ATL3: variants seen among roughly 807,000 people sequenced by gnomAD.
The protein encoded by ATL3 is atlastin-3.
In ATL3, 49 loss-of-function variants were observed where a neutral mutation model predicts 69.5. That is an observed-to-expected ratio of 0.71 (90% CI 0.56 to 0.89). ATL3 has a LOEUF of 0.89. Ranked by LOEUF, ATL3 falls within the 40% of genes least tolerant of loss-of-function variation. ATL3 has a pLI of 0.00. For missense variants in ATL3, 606 were observed against 645.7 expected (o/e 0.94, Z 0.67); for synonymous variants, 214 against 224.1 (o/e 0.95, Z 0.40).
chr11:63,640,340 T>C (rs1405399586), intron 8 of ATL3, among the ~76,000 whole-genome samples: 1 of 151,986 alleles, frequency 6.6e-6, no homozygotes, highest in East Asian at 1.9e-4. Flanking sequence ...CAGGCTAGAG[T>C]GCGGTGGTGC....
chr11:63,652,348 G>A, intron 4 of ATL3, 123 bp downstream of exon 4: 1 of 661,440 alleles, frequency 1.5e-6, no homozygotes, highest in South Asian at 4.0e-5. Flanking sequence ...TGCATCTACA[G>A]TTTAAAAATA....
At chr11:63,657,208 CAAAAAA>C (rs1254213240) in intron 3 of ATL3, among the ~76,000 whole-genome samples, 1 of 59,910 alleles carries the variant, frequency 1.7e-5, no homozygotes, top group African/African-American at 6.4e-5. Context: ...GACTACATCT[CAAAAAA>C]AAAAAAAAAA....
In ATL3 at chr11:63,631,160, G is replaced by A. The variant is rs764656343; in HGVS notation, c.1419C>T (p.Phe473=). 1.2e-6 allele frequency: 2 copies of A among 1,614,064 alleles called. No homozygotes were observed. Among genetic ancestry groups the A allele is most frequent in the Admixed American group, 1.7e-5 (1 of 59,990 alleles). Residue 473 remains phenylalanine, a synonymous_variant, in exon 12 of 13, where the codon TTC becomes TTT. Transcript: ENST00000398868. Reference sequence around the variant, plus strand: ...TTAACAGTAGTCCAACCATACAGTTGAACAACTGGGCTACAACCTCAAGAC... The same window carrying A: ...TTAACAGTAGTCCAACCATACAGTTAAACAACTGGGCTACAACCTCAAGAC... ...FIGLEVVAQL[F]NCMVGLLLIA...
At chr11:63,667,017 T>C (rs1357457975) in intron 1 of ATL3, among the ~76,000 whole-genome samples, 1 of 152,212 alleles carries the variant, frequency 6.6e-6, no homozygotes, top group Non-Finnish European at 1.5e-5. Flanking sequence ...AGTCTTAAGA[T>C]TGCAACGCAG....
At chr11:63,660,738 C>CA (rs1201451014) in intron 1 of ATL3, among the ~76,000 whole-genome samples, 3 of 151,898 alleles carry the variant, frequency 2.0e-5, no homozygotes, top group African/African-American at 7.3e-5. Context: ...GACTCTATCT[C>CA]AAAAACAGAA....
chr11:63,671,761 C>T (rs769932551), upstream of ATL3: 88 of 1,195,378 alleles, frequency 7.4e-5, no homozygotes, highest in Non-Finnish European at 9.3e-5. Flanking sequence ...TCTCCGACGA[C>T]TGAACTACAA....
intron 8 of ATL3, among the ~76,000 whole-genome samples, chr11:63,638,894 G>A (rs1434293948): frequency 1.3e-5 from 2 of 152,110 alleles, no homozygotes; most frequent in Non-Finnish European, 2.9e-5. Flanking sequence ...TAAAGTATCT[G>A]GGGGAACATT....
At chr11:63,645,807 G>A (rs547957667) in intron 6 of ATL3, among the ~76,000 whole-genome samples, 11 of 150,104 alleles carry the variant, frequency 7.3e-5, no homozygotes, top group East Asian at 1.9e-4. Context: ...TTGCTCTGTC[G>A]CCCAGGCTGG....
intron 1 of ATL3, among the ~76,000 whole-genome samples, chr11:63,664,716 G>A (rs142818796): frequency 2.7e-5 from 4 of 149,596 alleles, no homozygotes; most frequent in Non-Finnish European, 5.9e-5. Context: ...TCCGCCTCCC[G>A]GGTTCAAGCG....
chr11:63,644,686 C>T (rs1384476699), intron 6 of ATL3, among the ~76,000 whole-genome samples: 2 of 152,092 alleles, frequency 1.3e-5, no homozygotes, highest in South Asian at 2.1e-4. Context: ...CCACCACACC[C>T]GGCCAGATTT....
At position 63,643,509 on chromosome 11, in the gene ATL3, C is replaced by T; in HGVS notation, c.712-14G>A. 6.3e-7 allele frequency: 1 copy of T among 1,599,234 alleles called. No homozygotes were observed. The highest frequency in any genetic ancestry group is 8.5e-7 in the Non-Finnish European group (1 of 1,172,596). The stretch of plus-strand genomic sequence containing the variant: ...ATGTTCCTTCACCTGCCAATGAAGA[C>T]CAAGAATTTACCAACCAAAAGTCAT... On this transcript the variant is annotated splice_polypyrimidine_tract_variant and intron_variant, in intron 7 of 12. Coordinates refer to ENST00000398868, the MANE Select transcript of ATL3 (RefSeq NM_015459.5).
chr11:63,632,897 G>C, intron 11 of ATL3, 129 bp downstream of exon 11: 1 of 863,566 alleles, frequency 1.2e-6, no homozygotes, highest in South Asian at 1.6e-5. Flanking sequence ...CCGTTACCAG[G>C]ACAACCTGAA....
chr11:63,633,491 C>T (rs1025410783), intron 10 of ATL3, among the ~76,000 whole-genome samples: 2 of 151,854 alleles, frequency 1.3e-5, no homozygotes, highest in Admixed American at 6.6e-5. Context: ...CTACAACCTT[C>T]GCCTCCTGAA....
At chr11:63,636,567 C>T (rs892025484) in intron 8 of ATL3, among the ~76,000 whole-genome samples, 4 of 152,154 alleles carry the variant, frequency 2.6e-5, no homozygotes, top group African/African-American at 7.2e-5. Context: ...GGTGAAACCC[C>T]GTCTCTACTA....
At chr11:63,669,217 C>A (rs1370183476) in intron 1 of ATL3, among the ~76,000 whole-genome samples, 2 of 152,118 alleles carry the variant, frequency 1.3e-5, no homozygotes, top group Non-Finnish European at 2.9e-5. Context: ...TGAAATATAT[C>A]TAAGGTGTTC....
intron 1 of ATL3, among the ~76,000 whole-genome samples, 191 bp from the exon 2 acceptor site, chr11:63,659,443 G>A (rs1236028582): frequency 1.3e-5 from 2 of 151,986 alleles, no homozygotes; most frequent in African/African-American, 2.4e-5. Flanking sequence ...CCTGGGAAAC[G>A]GTGAAACCCA....
At chr11:63,632,422 AT>A in intron 11 of ATL3, 1 of 836,316 alleles carries the variant, frequency 1.2e-6, no homozygotes, top group Non-Finnish European at 2.1e-6. Context: ...AAGAGGTGAC[AT>A]TGTGATTGCA....
rs1360649055 is a variant in ATL3, at chr11:63,652,544, G to A, written c.437C>T (p.Ala146Val). The part of the protein sequence containing the change: ...VAVVLMDTQG[A>V]FDSQSTVKDC... ...TTTCACAGTTGACTGGCTGTCAAAT[G>A]CCCCCTGGGTATCCATCAGAACAAC... Residue 146 changes from alanine to valine, a missense_variant, in exon 4 of 13, where the codon GCA (alanine) becomes GTA (valine). Ala to Val is a moderately conservative substitution (Grantham distance 64). Transcript: ENST00000398868. 2 of 1,611,254 alleles carry A rather than the reference G, an allele frequency of 1.2e-6. No individual in the cohort carries two copies. Among genetic ancestry groups the A allele is most frequent in the East Asian group, 2.2e-5 (1 of 44,844 alleles).
rs745644667 is a variant in ATL3 at position 63,631,441 on chromosome 11, G to A, written c.1138C>T (p.Pro380Ser). ...CAGTGCTTCTCCTCTAGAATGTCTG[G>A]AGACAAATAAGGTTTCTCTCCCCCA... ...VCGGEKPYLS[P>S]DILEEKHCEF... Residue 380 changes from proline (P) to serine (S), a missense_variant, in exon 12 of 13, where the codon CCA becomes TCA. Coordinates refer to ENST00000398868, the MANE Select transcript of ATL3 (RefSeq NM_015459.5). 239 of 1,611,782 alleles carry A rather than the reference G, an allele frequency of 1.5e-4. 4 individuals are homozygous for A. The East Asian group carries it at 5.2e-3, about 35-fold the overall frequency.
Sources: allele counts gnomAD v4.1 joint callset (sites outside exome capture counted in the v4.1 genomes callset), GRCh38; gene constraint gnomAD v4.1.1; transcripts MANE v1.5; gene names NCBI Gene and HGNC (gene_info 2026-07-23, HGNC 2026-07-21).